RAPGEF6: variants seen among roughly 807,000 people sequenced by gnomAD.
RAPGEF6 encodes the protein PDZ domain containing guanine nucleotide exchange factor (GEF) 2.
In RAPGEF6, 56 loss-of-function variants were observed where a neutral mutation model predicts 171.4. The ratio of observed to expected loss-of-function variants is 0.33; its 90% CI spans 0.26 to 0.41. The LOEUF (loss-of-function observed/expected upper bound fraction) is 0.41. Among genes scored for constraint, RAPGEF6 ranks in the 10% least tolerant of loss-of-function variants. The pLI is 1.00. For synonymous variants in RAPGEF6, 692 were observed against 650.1 expected, an observed-to-expected ratio of 1.06 and a Z score of -0.98; for missense variants, 1,674 against 1,921.4, an observed-to-expected ratio of 0.87 and a Z score of 2.41.
intron 7 of RAPGEF6, among the ~76,000 whole-genome samples, chr5:131,512,383 T>TTC: frequency 6.6e-6 from 1 of 151,842 alleles, no homozygotes; most frequent in Non-Finnish European, 1.5e-5. Flanking sequence ...TCTTTTTTTT[T>TTC]TTTTTAAAGA....
intron 17 of RAPGEF6, among the ~76,000 whole-genome samples, chr5:131,464,654 C>T (rs1754200501): frequency 6.6e-6 from 1 of 152,018 alleles, no homozygotes; most frequent in Admixed American, 6.6e-5. Flanking sequence ...ATCCAAACCC[C>T]TAATGACATT....
intron 26 of RAPGEF6, among the ~76,000 whole-genome samples, chr5:131,430,553 T>C (rs562487982): frequency 1.3e-5 from 2 of 152,320 alleles, no homozygotes; most frequent in East Asian, 3.9e-4. Context: ...TTTACTACTA[T>C]TGCACACTAA....
At chr5:131,514,906 T>C (rs1049165161) in intron 7 of RAPGEF6, among the ~76,000 whole-genome samples, 6 of 152,156 alleles carry the variant, frequency 3.9e-5, no homozygotes, top group African/African-American at 1.4e-4. Context: ...ATAAATGAGT[T>C]AAGTCCAGGA....
At chr5:131,614,000 G>A (rs999301728) in intron 1 of RAPGEF6, among the ~76,000 whole-genome samples, 1 of 152,010 alleles carries the variant, frequency 6.6e-6, no homozygotes, top group Admixed American at 6.6e-5. Flanking sequence ...AGAACTACCC[G>A]GCTGGACACA....
In RAPGEF6 at chr5:131,504,664, C is replaced by A; in HGVS notation, c.1216G>T (p.Asp406Tyr). 2 of 1,613,142 alleles carry A rather than the reference C, an allele frequency of 1.2e-6. No individual in the cohort carries two copies. Among genetic ancestry groups the A allele is most frequent in the Non-Finnish European group, 1.7e-6 (2 of 1,179,748 alleles). Reference protein sequence around the residue: ...IVMVHEHRELDRSGTRKGHIV... With the variant: ...IVMVHEHRELYRSGTRKGHIV... ...TGTCCTTTCCTGGTTCCACTCCGGT[C>A]TAGTTCCCGATGCTCATGTACCATA... Residue 406 changes from aspartate to tyrosine, a missense_variant, in exon 11 of 28, where the codon GAC becomes TAC. Asp to Tyr is a radical substitution (Grantham distance 160). Around this residue, in one of 3 missense-constraint regions of RAPGEF6, gnomAD observed 1,116 missense variants for 1,321.5 expected, o/e 0.84. Coordinates refer to ENST00000509018, the MANE Select transcript of RAPGEF6 (RefSeq NM_016340.6).
intron 7 of RAPGEF6, among the ~76,000 whole-genome samples, chr5:131,511,481 C>CTTTTTTTTTTT (rs55782171): frequency 3.6e-5 from 5 of 137,328 alleles, no homozygotes; most frequent in Non-Finnish European, 4.6e-5. Context: ...AAAAGATCAT[C>CTTTTTTTTTTT]TTTTTTTTTT....
intron 25 of RAPGEF6, among the ~76,000 whole-genome samples, chr5:131,431,646 C>T (rs545911659): frequency 5.3e-5 from 8 of 150,794 alleles, no homozygotes; most frequent in African/African-American, 1.9e-4. Flanking sequence ...CAGGGTGTCA[C>T]TCTGTTGCCC....
intron 4 of RAPGEF6, 110 bp from the exon 5 acceptor site, chr5:131,562,157 A>AATG: frequency 1.5e-6 from 1 of 681,678 alleles, no homozygotes; most frequent in Non-Finnish European, 2.4e-6. Context: ...TTATCCAAGA[A>AATG]ATTCTGATCC....
intron 2 of RAPGEF6, among the ~76,000 whole-genome samples, 155 bp from the exon 3 acceptor site, chr5:131,603,482 A>G (rs554527855): frequency 2.0e-5 from 3 of 152,200 alleles, no homozygotes; most frequent in Admixed American, 6.5e-5. Context: ...TTAGAAATAT[A>G]TGTGTATTTT....
chr5:131,505,242 T>C lies in RAPGEF6; in HGVS notation c.1101+122A>G, dbSNP rs1268435715. On this transcript the variant is annotated intron_variant, in intron 10 of 27. Transcript: ENST00000509018. ...AGATACAAAATCTACTTTCCTTTAT[T>C]AACTGTGAGCTATTGAAACTCCTAA... 3 of 939,172 alleles carry C rather than the reference T, an allele frequency of 3.2e-6. No homozygotes were observed. In the African/African-American group the frequency reaches 5.0e-5, roughly 16 times the overall value. The allele number at this position is 939,172 out of a possible 1,614,324, so 58.2% of individuals were successfully genotyped here.
At chr5:131,454,216 T>C (rs1448530907) in intron 20 of RAPGEF6, among the ~76,000 whole-genome samples, 1 of 152,216 alleles carries the variant, frequency 6.6e-6, no homozygotes, top group Non-Finnish European at 1.5e-5. Context: ...AAACTGAATG[T>C]AGACTGGGAT....
chr5:131,557,646 T>A (rs1312600192), intron 5 of RAPGEF6, among the ~76,000 whole-genome samples: 1 of 152,230 alleles, frequency 6.6e-6, no homozygotes, highest in Non-Finnish European at 1.5e-5. Context: ...ATGTTTATTA[T>A]AGGGTTTCTG....
intron 6 of RAPGEF6, among the ~76,000 whole-genome samples, chr5:131,523,305 T>TTA (rs1758632152): frequency 7.3e-6 from 1 of 136,376 alleles, no homozygotes; most frequent in South Asian, 2.4e-4. Flanking sequence ...TTTTTTTTTT[T>TTA]ACATCTTTTT....
intron 6 of RAPGEF6, among the ~76,000 whole-genome samples, chr5:131,531,931 C>T (rs922930519): frequency 1.4e-5 from 2 of 145,322 alleles, no homozygotes; most frequent in East Asian, 2.0e-4. Flanking sequence ...TTAGAGGTCA[C>T]GTTAGAATGT....
intron 24 of RAPGEF6, 76 bp from the exon 25 acceptor site, chr5:131,433,734 A>C: frequency 1.8e-6 from 2 of 1,093,670 alleles, no homozygotes; most frequent in South Asian, 2.9e-5. Flanking sequence ...AAAGGATGAA[A>C]AAAAAAAACC....
At chr5:131,504,912 CA>C (rs1757266572) in intron 10 of RAPGEF6, 134 bp from the exon 11 acceptor site, 1 of 889,966 alleles carries the variant, frequency 1.1e-6, no homozygotes, top group Non-Finnish European at 1.6e-6. Context: ...TAATCTTTAA[CA>C]AAAATCAAGG....
intron 15 of RAPGEF6, among the ~76,000 whole-genome samples, chr5:131,480,807 T>A (rs183515238): frequency 6.6e-6 from 1 of 151,718 alleles, no homozygotes; most frequent in East Asian, 2.0e-4. Flanking sequence ...TTTGGTAATA[T>A]ATATCGATTC....
rs575380621 is a variant in RAPGEF6 at position 131,472,222 on chromosome 5, C to T, written c.2239+365G>A. ...AAGTAGCTGGGACTACAGGCACCCA[C>T]CATCACGTCTGGCTAATTTTTTGTA... On this transcript the variant is annotated intron_variant, in intron 17 of 27. Transcript: ENST00000509018. The T allele has an allele frequency of 6.0e-4, 194 of 321,474 alleles. 1 individual carries two copies. The highest frequency in any genetic ancestry group is 5.6e-3 in the Middle Eastern group (5 of 886). 19.9% of individuals were successfully genotyped at this position (321,474 alleles called of 1,614,324 possible). A position where few individuals can be genotyped will look rare whatever the true frequency, so the allele number is the denominator to read the frequency against.
At chr5:131,469,798 T>C in intron 17 of RAPGEF6, 2 of 1,516,308 alleles carry the variant, frequency 1.3e-6, no homozygotes, top group Non-Finnish European at 8.8e-7. Context: ...TTAAGATACT[T>C]ACAATAAAAA....
Sources: gnomAD v4.1 joint callset for allele counts (sites outside exome capture counted in the v4.1 genomes callset) on GRCh38, gnomAD v4.1.1 for gene constraint, gnomAD v4.1.1 regional missense constraint, MANE v1.5 for transcripts, NCBI Gene and HGNC (gene_info 2026-07-23, HGNC 2026-07-21) for gene names.